AKAP9: variants seen among roughly 807,000 people sequenced by gnomAD.
The protein encoded by AKAP9 is A-kinase anchoring protein 9, also known as A-kinase anchor protein 9.
In AKAP9, 311 loss-of-function variants were observed where a neutral mutation model predicts 488.5. The observed-to-expected ratio is 0.64, with a 90% CI of 0.58 to 0.70. AKAP9 has a LOEUF of 0.70. Among genes scored for constraint, AKAP9 ranks in the 30% least tolerant of loss-of-function variants. AKAP9 has a pLI of 0.00. For missense variants in AKAP9, 4,215 were observed against 4,374.5 expected, an observed-to-expected ratio of 0.96 and a Z score of 1.03; for synonymous variants, 1,462 against 1,483.5, an observed-to-expected ratio of 0.99 and a Z score of 0.33.
At chr7:91,991,639 T>G (rs1797772709) in intron 3 of AKAP9, among the ~76,000 whole-genome samples, 1 of 151,518 alleles carries the variant, frequency 6.6e-6, no homozygotes, top group South Asian at 2.1e-4. Context: ...ACCCGGCTAA[T>G]TTTTTGTATT....
In AKAP9 at chr7:92,022,843, C is replaced by G. The variant is rs1282657959; in HGVS notation, c.3982C>G (p.Leu1328Val). The change falls in exon 14 of 50, where the codon CTG becomes GTG. Residue 1328 changes from leucine (L) to valine (V), a missense_variant. Around this residue, in one of 5 missense-constraint regions of AKAP9, gnomAD observed 2,361 missense variants for 2,430.0 expected, o/e 0.97. Transcript: ENST00000356239. ...CAATCATAAAAGCAAGTTATCTTCT[C>G]TGCAAGATCTTGAAAAAACTAAACT... ...DVNHKSKLSS[L>V]QDLEKTKLEE... 1.3e-6 allele frequency: 2 copies of G among 1,596,492 alleles called. No homozygotes were observed. The highest frequency in any genetic ancestry group is 2.8e-5 in the African/African-American group (2 of 70,534).
At chr7:92,067,442 C>T (rs1810948529) in intron 26 of AKAP9, among the ~76,000 whole-genome samples, 2 of 132,228 alleles carry the variant, frequency 1.5e-5, no homozygotes, top group Admixed American at 1.5e-4. Context: ...GAACTAGAAT[C>T]AGCCTTGATT....
At chr7:92,014,379 T>A in intron 10 of AKAP9, 51 bp downstream of exon 10, 1 of 1,332,634 alleles carries the variant, frequency 7.5e-7, no homozygotes, top group Non-Finnish European at 1.1e-6. Flanking sequence ...CTGACACTTA[T>A]AATCCCAGCA....
intron 23 of AKAP9, among the ~76,000 whole-genome samples, chr7:92,061,733 T>C (rs575352451): frequency 6.0e-5 from 9 of 151,248 alleles, no homozygotes; most frequent in African/African-American, 1.5e-4. Context: ...ACCCTTGTAA[T>C]TTAAAGATGA....
intron 1 of AKAP9, among the ~76,000 whole-genome samples, chr7:91,970,726 G>A (rs1359342565): frequency 6.6e-6 from 1 of 152,122 alleles, no homozygotes; most frequent in African/African-American, 2.4e-5. Flanking sequence ...CAGACGAATT[G>A]TAGCTCTTTT....
At chr7:92,003,315 A>G (rs781613566) in intron 8 of AKAP9, 80 bp downstream of exon 8, 160 of 1,053,968 alleles carry the variant, frequency 1.5e-4, no homozygotes, top group Non-Finnish European at 2.1e-4. Flanking sequence ...TTCATAGAAC[A>G]TAAGTTCATA....
chr7:91,973,796 G>A lies in AKAP9; in HGVS notation c.134G>A (p.Ser45Asn), dbSNP rs1795356848. ...KQKKKRKTSSSKHDVSAHHDL... is the reference protein window; with the variant it reads ...KQKKKRKTSSNKHDVSAHHDL... ...AAAAAAAAGAGAAAAACGTCAAGCAGTAAACATGATGTGTCAGCACACCAT... is the reference window on the plus strand; with the variant it reads ...AAAAAAAAGAGAAAAACGTCAAGCAATAAACATGATGTGTCAGCACACCAT... The change falls in exon 2 of 50, where the codon AGT becomes AAT. Residue 45 changes from serine (S) to asparagine (N), a missense_variant. Physicochemically the swap from Ser to Asn is conservative, Grantham distance 46. Coordinates refer to ENST00000356239, the MANE Select transcript of AKAP9 (RefSeq NM_005751.5). The A allele has an allele frequency of 6.2e-7, 1 of 1,614,034 alleles. No individual in the cohort carries two copies. The highest frequency in any genetic ancestry group is 8.5e-7 in the Non-Finnish European group (1 of 1,179,994).
chr7:92,005,204 G>A (rs1417412623), intron 8 of AKAP9, among the ~76,000 whole-genome samples: 1 of 152,172 alleles, frequency 6.6e-6, no homozygotes, highest in Non-Finnish European at 1.5e-5. Context: ...CTGATGTGCT[G>A]CTGCATTTGG....
Position 91,993,023 on chromosome 7 carries a change from AG to A in AKAP9, c.547del (p.Val183LeufsTer25). 1.2e-6 allele frequency: 2 copies of A among 1,614,082 alleles called. No individual in the cohort carries two copies. The highest frequency in any genetic ancestry group is 1.7e-6 in the Non-Finnish European group (2 of 1,179,966). On this transcript the variant is annotated frameshift_variant, in exon 5 of 50. Coordinates refer to ENST00000356239, the MANE Select transcript of AKAP9 (RefSeq NM_005751.5). LOFTEE classifies it high-confidence loss of function. ...EELNRELEEM[R>X]VTYGTEGLQQ... ...GCTAAACAGAGAGCTGGAAGAAATG[AG>A]GGTTACCTATGGGACTGAAGGACTG...
At chr7:92,034,496 ATATTT>A (rs1445398465) in intron 16 of AKAP9, among the ~76,000 whole-genome samples, 3 of 104,256 alleles carry the variant, frequency 2.9e-5, no homozygotes, top group African/African-American at 1.2e-4. Context: ...ATATATATAT[ATATTT>A]TTTTTTTTTT....
At chr7:91,993,081 A>T in intron 5 of AKAP9, 26 bp downstream of exon 5, 1 of 1,613,562 alleles carries the variant, frequency 6.2e-7, no homozygotes, top group Non-Finnish European at 8.5e-7. Context: ...GTGGCTTTTG[A>T]TTTGCTACTC....
intron 23 of AKAP9, 51 bp downstream of exon 23, chr7:92,061,473 A>T (rs1024633328): frequency 6.2e-7 from 1 of 1,603,814 alleles, no homozygotes; most frequent in Non-Finnish European, 8.5e-7. Flanking sequence ...CAGTCTTAAA[A>T]TAGAGATTTT....
chr7:91,972,742 G>A (rs1316880308), intron 1 of AKAP9, among the ~76,000 whole-genome samples: 2 of 152,168 alleles, frequency 1.3e-5, no homozygotes, highest in Non-Finnish European at 2.9e-5. Flanking sequence ...CCTAATGGAA[G>A]CCTCTGTTCT....
In AKAP9 at chr7:92,043,641, C is replaced by G. The variant is rs543822349; in HGVS notation, c.5162+870C>G. Reference sequence around the variant, plus strand: ...TCAGAACAAGTTAAGGAAATAAAACCCTTGGCTTCCTACTAAATTAGTTTA... The same window carrying G: ...TCAGAACAAGTTAAGGAAATAAAACGCTTGGCTTCCTACTAAATTAGTTTA... On this transcript the variant is annotated intron_variant, in intron 20 of 49. Coordinates refer to ENST00000356239, the MANE Select transcript of AKAP9 (RefSeq NM_005751.5). Among the ~76,000 whole-genome samples the G allele has an allele frequency of 3.3e-5, 5 of 151,924 alleles. No individual in the cohort carries two copies. The South Asian group carries it at 6.2e-4, about 19-fold the overall frequency.
chr7:92,049,610 C>CA lies in AKAP9; in HGVS notation c.5369-3108dup, dbSNP rs531013336. The stretch of plus-strand genomic sequence containing the variant: ...TGGGCGACAGAGTGAGACTCCATCT[C>CA]AAAAAAAATAATAATAATAAAATAA... On this transcript the variant is annotated intron_variant, in intron 21 of 49. Transcript: ENST00000356239. Among the ~76,000 whole-genome samples, 7 of 150,504 alleles carry CA rather than the reference C, an allele frequency of 4.7e-5. No individual in the cohort carries two copies. In the South Asian group the frequency reaches 1.5e-3, roughly 32 times the overall value.
In AKAP9 at chr7:92,017,091, C is replaced by T. The variant is rs1801617295; in HGVS notation, c.3826C>T (p.Arg1276Ter). 1 of 1,573,494 alleles carries T rather than the reference C, an allele frequency of 6.4e-7. No homozygotes were observed. The highest frequency in any genetic ancestry group is 8.7e-7 in the Non-Finnish European group (1 of 1,148,808). The change falls in exon 12 of 50, where the codon CGA becomes TGA. Residue 1276 changes from arginine to a stop codon, truncating the protein, a stop_gained. Transcript: ENST00000356239. LOFTEE classifies it high-confidence loss of function. The part of the protein sequence containing the change: ...EYNKLLVLQT[R>*]LSKIWGQQTD... The stretch of plus-strand genomic sequence containing the variant: ...CAACAAACTCTTGGTACTTCAAACA[C>T]GACTAAGCAAGGTCTGTGAGATGGA...
Position 91,998,346 on chromosome 7 carries a change from T to G in AKAP9, c.931-2502T>G, listed in dbSNP as rs537886823. On this transcript the variant is annotated intron_variant, in intron 7 of 49. Transcript: ENST00000356239. ...TGTCCTAATCCTCCAAACTTCCCAT[T>G]GGTGCCGTAGCATAGTATTTCCCCC... is the stretch of plus-strand genomic sequence containing the variant. Among the ~76,000 whole-genome samples the G allele has an allele frequency of 9.3e-5, 14 of 150,234 alleles. 1 individual carries two copies. The South Asian group carries it at 3.0e-3, about 32-fold the overall frequency.
At chr7:91,962,963 C>T (rs1413614570) in intron 1 of AKAP9, among the ~76,000 whole-genome samples, 1 of 152,072 alleles carries the variant, frequency 6.6e-6, no homozygotes, top group African/African-American at 2.4e-5. Flanking sequence ...CACCTTTGCC[C>T]TGATATATTT....
intron 3 of AKAP9, among the ~76,000 whole-genome samples, chr7:91,988,888 G>A (rs914315550): frequency 6.6e-6 from 1 of 152,064 alleles, no homozygotes; most frequent in Admixed American, 6.6e-5. Context: ...ATGTTGGTTT[G>A]TTGCATCCAT....
Sources: gnomAD v4.1 joint callset for allele counts (sites outside exome capture counted in the v4.1 genomes callset) on GRCh38, gnomAD v4.1.1 for gene constraint, gnomAD v4.1.1 regional missense constraint, MANE v1.5 for transcripts, NCBI Gene and HGNC (gene_info 2026-07-23, HGNC 2026-07-21) for gene names.